DCLK2: variants seen among roughly 807,000 people sequenced by gnomAD.
DCLK2 encodes serine/threonine-protein kinase DCLK2.
A neutral mutation model predicts 78.4 loss-of-function variants in DCLK2; 31 were observed. The observed-to-expected ratio is 0.40, with a 90% CI of 0.30 to 0.53. The LOEUF (loss-of-function observed/expected upper bound fraction) is 0.53, where lower values mean the gene tolerates loss of function less well. Among genes scored for constraint, DCLK2 ranks in the 20% least tolerant of loss-of-function variants. The pLI is 0.61. For missense variants in DCLK2, 872 were observed against 973.7 expected, an observed-to-expected ratio of 0.90 and a Z score of 1.39; for synonymous variants, 407 against 374.9, an observed-to-expected ratio of 1.09 and a Z score of -0.99.
At chr4:150,235,105 A>C (rs1387282807) in intron 10 of DCLK2, among the ~76,000 whole-genome samples, 1 of 152,170 alleles carries the variant, frequency 6.6e-6, no homozygotes, top group Non-Finnish European at 1.5e-5. Flanking sequence ...ACAGGTTCCC[A>C]AGGAACCCCT....
intron 8 of DCLK2, among the ~76,000 whole-genome samples, chr4:150,229,527 T>TTTGTTG (rs1741882352): frequency 4.6e-5 from 7 of 151,970 alleles, no homozygotes; most frequent in Admixed American, 4.6e-4. Context: ...GACAGCCAGG[T>TTTGTTG]TTGTTGAATA....
chr4:150,108,332 C>G (rs1731416456), intron 2 of DCLK2, among the ~76,000 whole-genome samples: 1 of 151,506 alleles, frequency 6.6e-6, no homozygotes, highest in Non-Finnish European at 1.5e-5. Flanking sequence ...ATCTCCTGAC[C>G]TTTAGTTTTC....
At chr4:150,143,053 T>C (rs1330766566) in intron 2 of DCLK2, among the ~76,000 whole-genome samples, 2 of 152,154 alleles carry the variant, frequency 1.3e-5, no homozygotes, top group African/African-American at 4.8e-5. Flanking sequence ...TATCTTTCTA[T>C]GTTAGCTCAC....
intron 2 of DCLK2, among the ~76,000 whole-genome samples, chr4:150,151,276 A>G (rs939251457): frequency 6.6e-6 from 1 of 152,232 alleles, no homozygotes; most frequent in Non-Finnish European, 1.5e-5. Flanking sequence ...GCCAACATAA[A>G]GAATTTGCAG....
intron 2 of DCLK2, among the ~76,000 whole-genome samples, chr4:150,135,849 A>C (rs1733649139): frequency 6.6e-6 from 1 of 152,202 alleles, no homozygotes; most frequent in Non-Finnish European, 1.5e-5. Context: ...AGTAGGAAGA[A>C]AGCTCTATTA....
intron 2 of DCLK2, among the ~76,000 whole-genome samples, chr4:150,167,148 A>C (rs1736149931): frequency 1.3e-5 from 2 of 152,108 alleles, no homozygotes; most frequent in Admixed American, 1.3e-4. Flanking sequence ...TGATTTTAAG[A>C]GGGAAAAATG....
intron 2 of DCLK2, among the ~76,000 whole-genome samples, chr4:150,158,206 A>G (rs777700175): frequency 6.6e-6 from 1 of 152,056 alleles, no homozygotes; most frequent in Non-Finnish European, 1.5e-5. Context: ...CTTTTCCTCT[A>G]TGCATGCACA....
rs762739343 is a variant in DCLK2 at position 150,256,181 on chromosome 4, C to T, written c.2235C>T (p.Thr745=). The T allele has an allele frequency of 6.4e-7, 1 of 1,552,530 alleles. No homozygotes were observed. The highest frequency in any genetic ancestry group is 8.7e-7 in the Non-Finnish European group (1 of 1,150,004). The change falls in exon 16 of 16, where the codon ACC becomes ACT. Residue 745 remains threonine (T), a synonymous_variant. Coordinates refer to ENST00000296550, the MANE Select transcript of DCLK2 (RefSeq NM_001040260.4). ...CCCCCACCCCTCCGGAATCTCCCAC[C>T]CCCCACCCTCCTCCCGCTGCCCCGG... ...VPAPTPPESP[T]PHPPPAAPGG... is the part of the protein sequence containing the mutation.
At chr4:150,091,236 C>A (rs964668146) in intron 1 of DCLK2, among the ~76,000 whole-genome samples, 1 of 152,166 alleles carries the variant, frequency 6.6e-6, no homozygotes. Flanking sequence ...TGAAGGGTAT[C>A]GAATCATCTT....
chr4:150,107,199 G>C (rs189881844), intron 2 of DCLK2, among the ~76,000 whole-genome samples: 34 of 152,262 alleles, frequency 2.2e-4, no homozygotes, highest in Non-Finnish European at 4.4e-4. Context: ...TAAGTGAGCT[G>C]ATTCAAAAGA....
chr4:150,206,956 AT>A (rs982467053), intron 5 of DCLK2, among the ~76,000 whole-genome samples: 1 of 151,398 alleles, frequency 6.6e-6, no homozygotes, highest in Non-Finnish European at 1.5e-5. Context: ...GCACCAGCTT[AT>A]TTTTTTTTAT....
chr4:150,214,198 AAATTGCTGCCAGAAAC>A (rs1397545622), intron 5 of DCLK2, among the ~76,000 whole-genome samples: 2 of 152,216 alleles, frequency 1.3e-5, no homozygotes, highest in East Asian at 3.8e-4. Context: ...CAGTTAATTA[AAATTGCTGCCAGAAAC>A]TTCATCCACA....
chr4:150,078,996 G>C lies in DCLK2; in HGVS notation c.-32G>C. ...CTCGCACCCTTAGTCGGCCCGGAAC[G>C]TCTTTTTGCGGACGCCCTCGGAGCA... is the stretch of plus-strand genomic sequence containing the variant. On this transcript the variant is annotated 5_prime_UTR_variant, in exon 1 of 16. Transcript: ENST00000296550. The C allele has an allele frequency of 6.6e-7, 1 of 1,508,178 alleles. No individual in the cohort carries two copies. Among genetic ancestry groups the C allele is most frequent in the African/African-American group, 1.4e-5 (1 of 70,770 alleles). The allele number at this position is 1,508,178 out of a possible 1,614,324, so 93.4% of individuals were successfully genotyped here. A position where few individuals can be genotyped will look rare whatever the true frequency, so the allele number is the denominator to read the frequency against.
intron 2 of DCLK2, among the ~76,000 whole-genome samples, chr4:150,132,804 T>A (rs1342006261): frequency 1.3e-5 from 2 of 152,192 alleles, no homozygotes; most frequent in Non-Finnish European, 2.9e-5. Context: ...GTTATTTTAC[T>A]TTTTGTAGAG....
chr4:150,101,122 G>A (rs1399833749), intron 1 of DCLK2, among the ~76,000 whole-genome samples: 4 of 152,144 alleles, frequency 2.6e-5, no homozygotes, highest in African/African-American at 7.2e-5. Flanking sequence ...AGGCATAGTG[G>A]CATGTGCTTG....
intron 4 of DCLK2, among the ~76,000 whole-genome samples, chr4:150,200,126 AC>A (rs1270085481): frequency 4.6e-5 from 7 of 152,238 alleles, no homozygotes; most frequent in African/African-American, 1.7e-4. Flanking sequence ...TGAACTAAAA[AC>A]ATGTCTCATA....
chr4:150,124,071 C>A (rs952567197), intron 2 of DCLK2, among the ~76,000 whole-genome samples: 7 of 151,844 alleles, frequency 4.6e-5, no homozygotes, highest in Non-Finnish European at 2.9e-5. Context: ...AGAAGAGCGC[C>A]ACACTTGAAA....
At chr4:150,215,256 G>A (rs1012570344) in intron 5 of DCLK2, among the ~76,000 whole-genome samples, 3 of 152,140 alleles carry the variant, frequency 2.0e-5, no homozygotes, top group Admixed American at 6.5e-5. Flanking sequence ...TGAACAATCA[G>A]TTCTATAGCA....
At chr4:150,081,997 C>CAAAAAAAAAAAAAA (rs1216080802) in intron 1 of DCLK2, among the ~76,000 whole-genome samples, 1 of 60,176 alleles carries the variant, frequency 1.7e-5, no homozygotes, top group Admixed American at 1.8e-4. Flanking sequence ...GACTCTGTCT[C>CAAAAAAAAAAAAAA]AAAAAAAAAA....
Sources: gnomAD v4.1 joint callset for allele counts (sites outside exome capture counted in the v4.1 genomes callset) on GRCh38, gnomAD v4.1.1 for gene constraint, MANE v1.5 for transcripts, NCBI Gene and HGNC (gene_info 2026-07-23, HGNC 2026-07-21) for gene names.